The following ARG2 variants were observed in gnomAD, a reference collection of about 807,000 sequenced individuals.
The protein encoded by ARG2 is arginase 2.
Under a neutral mutation model 39.4 loss-of-function variants are expected in ARG2, and 21 were observed. The observed-to-expected ratio is 0.53, with a 90% CI of 0.38 to 0.77. The LOEUF (loss-of-function observed/expected upper bound fraction) is 0.77. ARG2 is among the 30% of genes least tolerant of loss of function. ARG2 has a pLI of 0.00. For missense variants in ARG2, 378 were observed against 426.2 expected (o/e 0.89, Z 1.00); for synonymous variants, 150 against 156.7 (o/e 0.96, Z 0.32).
chr14:67,620,236 C>T lies in ARG2; in HGVS notation c.111+148C>T, dbSNP rs2036794239. On this transcript the variant is annotated intron_variant, in intron 1 of 7. Coordinates refer to ENST00000261783, the MANE Select transcript of ARG2 (RefSeq NM_001172.4). ...GAGCTGGCCGGTTCCCGCTACTGGG[C>T]ACCGTGGGAGCATGTGGGATATCCT... is the stretch of plus-strand genomic sequence containing the variant. 9.3e-6 allele frequency: 5 copies of T among 537,070 alleles called. 1 individual carries two copies. Among genetic ancestry groups the T allele is most frequent in the South Asian group, 8.6e-5 (4 of 46,774 alleles). 33.3% of individuals were successfully genotyped at this position (537,070 alleles called of 1,614,324 possible). A position where few individuals can be genotyped will look rare whatever the true frequency, so the allele number is the denominator to read the frequency against.
chr14:67,642,793 CTTTTTTTTTTTTTT>C (rs869215946), intron 3 of ARG2, among the ~76,000 whole-genome samples: 7 of 75,518 alleles, frequency 9.3e-5, no homozygotes, highest in Admixed American at 2.2e-4. Context: ...ACTACATTTT[CTTTTTTTTTTTTTT>C]TTTTTTTTTT....
Position 67,650,825 on chromosome 14 carries a change from G to C in ARG2, c.970G>C (p.Gly324Arg). The change falls in exon 8 of 8, where the codon GGT becomes CGT. Residue 324 changes from glycine (G) to arginine (R), a missense_variant. Transcript: ENST00000261783. ...AGTAGATGTGATTGCTTCAAGCTTT[G>C]GTCAGACAAGAGAAGGAGGGCATAT... ...LAVDVIASSF[G>R]QTREGGHIVY... 1 of 1,614,144 alleles carries C rather than the reference G, an allele frequency of 6.2e-7. No individual in the cohort carries two copies. The highest frequency in any genetic ancestry group is 1.3e-5 in the African/African-American group (1 of 75,042).
Position 67,646,942 on chromosome 14 carries a change from T to TA in ARG2, c.640dup (p.Ile214AsnfsTer10). 6.2e-7 allele frequency: 1 copy of TA among 1,607,130 alleles called. No homozygotes were observed. The highest frequency in any genetic ancestry group is 8.5e-7 in the Non-Finnish European group (1 of 1,173,762). ...ACAGTTTTATTTTAAAGAACTATGA[T>TA]ATCCAGTATTTTTCCATGAGAGATA... On this transcript the variant is annotated frameshift_variant, in exon 6 of 8. Transcript: ENST00000261783. LOFTEE classifies it high-confidence loss of function.
chr14:67,646,851 C>CT lies in ARG2; in HGVS notation c.618-69dup, dbSNP rs1179849734. The CT allele has an allele frequency of 2.9e-6, 4 of 1,380,386 alleles. No homozygotes were observed. In the Admixed American group the frequency reaches 6.8e-5, roughly 24 times the overall value. The allele number at this position is 1,380,386 out of a possible 1,614,324, so 85.5% of individuals were successfully genotyped here. A position where few individuals can be genotyped will look rare whatever the true frequency, so the allele number is the denominator to read the frequency against. On this transcript the variant is annotated intron_variant, in intron 5 of 7. Coordinates refer to ENST00000261783, the MANE Select transcript of ARG2 (RefSeq NM_001172.4). ...CAGGTCACTACAACAAACCCACCCT[C>CT]TCCCCCAAATACATATTTGTTAAAA...
chr14:67,627,281 A>ATC (rs1555379520), intron 2 of ARG2, among the ~76,000 whole-genome samples: 13 of 146,356 alleles, frequency 8.9e-5, no homozygotes, highest in Admixed American at 1.4e-4. Context: ...ATATATATAT[A>ATC]TCTGAAACTT....
chr14:67,647,062 A>C, intron 6 of ARG2, 37 bp downstream of exon 6: 1 of 1,286,784 alleles, frequency 7.8e-7, no homozygotes, highest in Non-Finnish European at 1.1e-6. Context: ...CAAACCCCCA[A>C]TGGGCAACAC....
intron 2 of ARG2, among the ~76,000 whole-genome samples, chr14:67,622,563 G>A (rs1240993316): frequency 6.6e-6 from 1 of 152,178 alleles, no homozygotes; most frequent in Non-Finnish European, 1.5e-5. Flanking sequence ...CTAAGATTTA[G>A]TCTTCTTTTA....
chr14:67,634,591 C>T (rs745991683), intron 2 of ARG2, among the ~76,000 whole-genome samples: 1 of 134,290 alleles, frequency 7.4e-6, no homozygotes, highest in Non-Finnish European at 1.6e-5. Context: ...CAGACCGTGT[C>T]TCCAAAAAAA....
intron 2 of ARG2, among the ~76,000 whole-genome samples, chr14:67,622,433 G>C (rs915954928): frequency 6.6e-6 from 1 of 152,166 alleles, no homozygotes; most frequent in Non-Finnish European, 1.5e-5. Flanking sequence ...TGGATATGGT[G>C]ACATGGATTC....
intron 2 of ARG2, 122 bp downstream of exon 2, chr14:67,621,088 C>A: frequency 1.1e-6 from 1 of 895,788 alleles, no homozygotes; most frequent in Non-Finnish European, 1.8e-6. Context: ...CATCCCGCAT[C>A]CTCCTTTGGA....
intron 2 of ARG2, 50 bp downstream of exon 2, chr14:67,621,016 T>C (rs1348926269): frequency 6.4e-7 from 1 of 1,550,522 alleles, no homozygotes; most frequent in Non-Finnish European, 8.9e-7. Flanking sequence ...AATAGACCAC[T>C]TCAGAGTCTT....
chr14:67,627,256 G>GATT (rs1555379494), intron 2 of ARG2, among the ~76,000 whole-genome samples: 1 of 133,750 alleles, frequency 7.5e-6, no homozygotes, highest in Non-Finnish European at 1.6e-5. Flanking sequence ...TCAGTAAGGA[G>GATT]ATATATATAT....
At chr14:67,629,163 A>G (rs1160339163) in intron 2 of ARG2, among the ~76,000 whole-genome samples, 5 of 152,090 alleles carry the variant, frequency 3.3e-5, no homozygotes, top group East Asian at 3.9e-4. Context: ...GCGAGTCCCA[A>G]TCTCCACAGT....
intron 2 of ARG2, among the ~76,000 whole-genome samples, chr14:67,627,275 A>ATATATATATATATATATATATATATC (rs2140720891): frequency 6.7e-6 from 1 of 148,688 alleles, no homozygotes; most frequent in African/African-American, 2.5e-5. Flanking sequence ...ATATATATAT[A>ATATATATATATATATATATATATATC]TATATATCTG....
At chr14:67,649,898 T>G (rs1393665427) in intron 7 of ARG2, 2 of 152,190 alleles carry the variant, frequency 1.3e-5, no homozygotes, top group Non-Finnish European at 2.9e-5. Context: ...TTAAATTCTA[T>G]AGAGAAGTGA....
At chr14:67,628,254 C>T (rs906168175) in intron 2 of ARG2, among the ~76,000 whole-genome samples, 1 of 152,164 alleles carries the variant, frequency 6.6e-6, no homozygotes, top group Non-Finnish European at 1.5e-5. Flanking sequence ...CACTATGTTG[C>T]CCAGGCTGGA....
Position 67,642,311 on chromosome 14 carries a change from A to T in ARG2, c.310A>T (p.Ser104Cys), listed in dbSNP as rs764290560. The T allele has an allele frequency of 4.3e-6, 7 of 1,614,012 alleles. No individual in the cohort carries two copies. In the East Asian group the frequency reaches 1.6e-4, roughly 36 times the overall value. The change falls in exon 3 of 8, where the codon AGC (serine) becomes TGC (cysteine). Residue 104 changes from serine to cysteine, a missense_variant. Transcript: ENST00000261783. ...LANQELAEVVSRAVSDGYSCV... is the reference protein window; with the variant it reads ...LANQELAEVVCRAVSDGYSCV... The stretch of plus-strand genomic sequence containing the variant: ...CAACCAGGAACTGGCTGAGGTGGTT[A>T]GCAGAGCTGTGTCAGATGGCTACAG...
chr14:67,626,687 T>C (rs2036869937), intron 2 of ARG2, among the ~76,000 whole-genome samples: 1 of 152,198 alleles, frequency 6.6e-6, no homozygotes, highest in Admixed American at 6.5e-5. Context: ...CTCGAACTCC[T>C]AGCCTCAAGT....
intron 3 of ARG2, among the ~76,000 whole-genome samples, chr14:67,642,787 CA>C (rs1566803653): frequency 8.3e-5 from 6 of 72,080 alleles, no homozygotes; most frequent in Non-Finnish European, 1.3e-4. Flanking sequence ...CATGTTACTA[CA>C]TTTTCTTTTT....
Sources: allele counts gnomAD v4.1 joint callset (sites outside exome capture counted in the v4.1 genomes callset), GRCh38; gene constraint gnomAD v4.1.1; transcripts MANE v1.5; gene names NCBI Gene and HGNC (gene_info 2026-07-23, HGNC 2026-07-21).